Variants in SH3D19 observed in about 807,000 individuals in gnomAD.
The protein encoded by SH3D19 is SH3 domain containing 19.
Under a neutral mutation model 112.1 loss-of-function variants are expected in SH3D19, and 58 were observed. The observed-to-expected ratio is 0.52, with a 90% CI of 0.42 to 0.64. The LOEUF (loss-of-function observed/expected upper bound fraction) is 0.64, where lower values mean the gene tolerates loss of function less well. Ranked by LOEUF, SH3D19 falls within the 30% of genes least tolerant of loss-of-function variation. The pLI, the probability that SH3D19 is intolerant of heterozygous loss-of-function variation, is 0.00. For missense variants in SH3D19, 1,090 were observed against 1,263.4 expected (o/e 0.86, Z 2.08); for synonymous variants, 391 against 448.5 (o/e 0.87, Z 1.62).
intron 1 of SH3D19, among the ~76,000 whole-genome samples, chr4:151,290,621 G>A (rs1775227622): frequency 6.6e-6 from 1 of 152,160 alleles, no homozygotes; most frequent in African/African-American, 2.4e-5. Flanking sequence ...TGTGGTGATG[G>A]TTGTACAACA....
At chr4:151,152,676 G>A (rs1475432470) in intron 9 of SH3D19, among the ~76,000 whole-genome samples, 3 of 148,012 alleles carry the variant, frequency 2.0e-5, no homozygotes, top group South Asian at 2.2e-4. Context: ...GCGCCACCAT[G>A]CCTGGCTAAT....
At chr4:151,204,128 T>A (rs2149892190) in intron 2 of SH3D19, among the ~76,000 whole-genome samples, 1 of 152,274 alleles carries the variant, frequency 6.6e-6, no homozygotes, top group East Asian at 1.9e-4. Flanking sequence ...TGTAAGAGGT[T>A]TATAGAAAGT....
At chr4:151,159,389 G>T in intron 8 of SH3D19, 37 bp from the exon 9 acceptor site, 1 of 1,229,324 alleles carries the variant, frequency 8.1e-7, no homozygotes, top group Non-Finnish European at 1.2e-6. Flanking sequence ...ATAATTTCTA[G>T]TTTCTGGGAT....
chr4:151,268,886 T>C (rs1201069723), intron 1 of SH3D19, among the ~76,000 whole-genome samples: 2 of 152,114 alleles, frequency 1.3e-5, no homozygotes, highest in Non-Finnish European at 2.9e-5. Context: ...TTGAGAATAG[T>C]GCCACAATAA....
chr4:151,264,274 T>C (rs956301528), intron 1 of SH3D19, among the ~76,000 whole-genome samples: 1 of 151,558 alleles, frequency 6.6e-6, no homozygotes, highest in African/African-American at 2.4e-5. Flanking sequence ...CTATTAAAAA[T>C]ACAAAAATTA....
intron 1 of SH3D19, among the ~76,000 whole-genome samples, chr4:151,272,521 GGTTT>G (rs1319176943): frequency 6.6e-6 from 1 of 152,086 alleles, no homozygotes; most frequent in Non-Finnish European, 1.5e-5. Flanking sequence ...ACAATAAACT[GGTTT>G]GTTAAATCAG....
At chr4:151,129,038 T>A (rs773574361) in intron 17 of SH3D19, among the ~76,000 whole-genome samples, 7 of 152,226 alleles carry the variant, frequency 4.6e-5, no homozygotes, top group Admixed American at 1.3e-4. Context: ...TATGAAAAAA[T>A]TCTGATAAAG....
At chr4:151,231,073 G>C (rs987024982) in intron 1 of SH3D19, among the ~76,000 whole-genome samples, 17 of 152,036 alleles carry the variant, frequency 1.1e-4, no homozygotes, top group Non-Finnish European at 2.9e-5. Context: ...TTACCTAAAG[G>C]TTCCTTGGGG....
At position 151,325,368 on chromosome 4, in the gene SH3D19, C is replaced by T. The variant is rs1051939779; in HGVS notation, c.-16G>A. The T allele has an allele frequency of 7.3e-4, 867 of 1,190,314 alleles. 5 individuals carry two copies. Among genetic ancestry groups the T allele is most frequent in the Middle Eastern group, 1.7e-3 (5 of 3,018 alleles). The allele number at this position is 1,190,314 out of a possible 1,614,324, so 73.7% of individuals were successfully genotyped here. ...CCTCAGCCATGGGCGAGGCGCGGGG[C>T]GCAGCCGCGGGATGGCCAGCGAGCT... is the stretch of plus-strand genomic sequence containing the variant. On this transcript the variant is annotated 5_prime_UTR_variant, in exon 1 of 20. Coordinates refer to ENST00000604030, the MANE Select transcript of SH3D19 (RefSeq NM_001378122.1).
At chr4:151,296,560 A>G (rs1775730274) in intron 1 of SH3D19, among the ~76,000 whole-genome samples, 1 of 152,214 alleles carries the variant, frequency 6.6e-6, no homozygotes, top group Non-Finnish European at 1.5e-5. Context: ...ACTGGTAACT[A>G]ATTTAATCAG....
intron 1 of SH3D19, among the ~76,000 whole-genome samples, chr4:151,247,167 T>C (rs1001379879): frequency 6.6e-6 from 1 of 152,246 alleles, no homozygotes; most frequent in African/African-American, 2.4e-5. Flanking sequence ...GATTTTTGTT[T>C]CAATATTCAC....
chr4:151,224,037 C>A (rs921794282), intron 2 of SH3D19, among the ~76,000 whole-genome samples: 1 of 152,116 alleles, frequency 6.6e-6, no homozygotes, highest in African/African-American at 2.4e-5. Flanking sequence ...AGGCCGGGCA[C>A]GGTGGCTCAC....
At chr4:151,277,195 T>G (rs1245973700) in intron 1 of SH3D19, 2 of 1,499,990 alleles carry the variant, frequency 1.3e-6, no homozygotes, top group East Asian at 2.5e-5. Context: ...GGCTGTGCCT[T>G]CACGCTGCTC....
At chr4:151,314,384 T>C (rs141616077) in intron 1 of SH3D19, among the ~76,000 whole-genome samples, 270 of 152,286 alleles carry the variant, frequency 1.8e-3, no homozygotes, top group African/African-American at 6.1e-3. Context: ...ACATCACACA[T>C]GAACACTTGA....
chr4:151,282,127 C>G (rs772742989), intron 1 of SH3D19: 3 of 1,611,558 alleles, frequency 1.9e-6, no homozygotes, highest in Non-Finnish European at 2.5e-6. Context: ...CATAAGCAGG[C>G]CTCCTTTCTT....
chr4:151,137,832 C>T lies in SH3D19; in HGVS notation c.2327G>A (p.Gly776Glu). The T allele has an allele frequency of 6.2e-7, 1 of 1,609,034 alleles. No individual in the cohort carries two copies. Among genetic ancestry groups the T allele is most frequent in the Non-Finnish European group, 8.5e-7 (1 of 1,178,146 alleles). Residue 776 changes from glycine (G) to glutamate (E), a missense_variant, in exon 14 of 20, where the codon GGA (glycine) becomes GAA (glutamate). Gly to Glu is a moderately conservative substitution (Grantham distance 98). Coordinates refer to ENST00000604030, the MANE Select transcript of SH3D19 (RefSeq NM_001378122.1). ...EQVDDLNLTS[G>E]EIVYLLEKID... ...CTTCTCCAGAAGATAAACAATTTCTCCAGAAGTGAGGTTCAAATCATCAAC... is the reference window on the plus strand; with the variant it reads ...CTTCTCCAGAAGATAAACAATTTCTTCAGAAGTGAGGTTCAAATCATCAAC...
chr4:151,223,745 C>G (rs1175995519), intron 2 of SH3D19, among the ~76,000 whole-genome samples: 2 of 151,976 alleles, frequency 1.3e-5, no homozygotes, highest in Non-Finnish European at 2.9e-5. Flanking sequence ...TTATCTTACT[C>G]TTTTTTTTCA....
At chr4:151,299,580 C>CAA (rs369585943) in intron 1 of SH3D19, among the ~76,000 whole-genome samples, 68,824 of 93,250 alleles carry the variant, frequency 0.74, 26,136 homozygotes, top group Middle Eastern at 0.92. Flanking sequence ...AACTCCGTCT[C>CAA]AAAAAAAAAA....
chr4:151,234,733 G>GTGTT (rs1561387733), intron 1 of SH3D19, among the ~76,000 whole-genome samples: 3 of 30,038 alleles, frequency 1.0e-4, no homozygotes, highest in African/African-American at 2.4e-4. Context: ...TTCCAAGTTT[G>GTGTT]TGTTTTTTTT....
Sources: allele counts gnomAD v4.1 joint callset (sites outside exome capture counted in the v4.1 genomes callset), GRCh38; gene constraint gnomAD v4.1.1; transcripts MANE v1.5; gene names NCBI Gene and HGNC (gene_info 2026-07-23, HGNC 2026-07-21).